Variants in PDE4B observed in about 807,000 individuals in gnomAD.
PDE4B encodes 3',5'-cyclic-AMP phosphodiesterase 4B.
PDE4B carries 20 observed loss-of-function variants against 82.2 expected under a neutral mutation model. That is an observed-to-expected ratio of 0.24 (90% confidence interval 0.17 to 0.35). The LOEUF is 0.35. Among genes scored for constraint, PDE4B ranks in the 10% least tolerant of loss-of-function variants. The probability of loss-of-function intolerance (pLI) is 1.00; values close to 1 mark genes in which losing one functional copy is unlikely to be tolerated. For synonymous variants in PDE4B, 320 were observed against 318.9 expected (o/e 1.00, Z -0.04); for missense variants, 655 against 907.2 (o/e 0.72, Z 3.57).
intron 3 of PDE4B, among the ~76,000 whole-genome samples, chr1:66,069,738 G>A (rs1656054131): frequency 6.6e-6 from 1 of 151,934 alleles, no homozygotes; most frequent in South Asian, 2.1e-4. Context: ...GGTGTCATGG[G>A]GCTAGGAAAT....
intron 3 of PDE4B, among the ~76,000 whole-genome samples, chr1:65,941,696 T>C (rs535108620): frequency 2.0e-5 from 3 of 152,088 alleles, no homozygotes; most frequent in Non-Finnish European, 4.4e-5. Flanking sequence ...ATGTATACAT[T>C]GTGAAATAGG....
At chr1:66,036,909 C>T (rs934575199) in intron 3 of PDE4B, among the ~76,000 whole-genome samples, 1 of 151,956 alleles carries the variant, frequency 6.6e-6, no homozygotes, top group African/African-American at 2.4e-5. Flanking sequence ...CCAACACAGG[C>T]AGATCATGAA....
At chr1:65,972,097 G>A (rs1448759148) in intron 3 of PDE4B, among the ~76,000 whole-genome samples, 1 of 152,144 alleles carries the variant, frequency 6.6e-6, no homozygotes, top group Non-Finnish European at 1.5e-5. Context: ...TATTATGACT[G>A]TGCATTTATT....
At chr1:66,119,444 G>A (rs370243974) in intron 3 of PDE4B, among the ~76,000 whole-genome samples, 2 of 152,144 alleles carry the variant, frequency 1.3e-5, no homozygotes, top group Non-Finnish European at 2.9e-5. Context: ...GTAATGGAGC[G>A]TATCTTCAGA....
chr1:66,028,104 C>T (rs932230294), intron 3 of PDE4B, among the ~76,000 whole-genome samples: 5 of 152,236 alleles, frequency 3.3e-5, no homozygotes, highest in African/African-American at 9.6e-5. Context: ...ATGAGGGTGC[C>T]GCCTCTGCAG....
chr1:66,293,833 TTTG>T (rs953618174), intron 7 of PDE4B, among the ~76,000 whole-genome samples: 3 of 152,130 alleles, frequency 2.0e-5, no homozygotes, highest in African/African-American at 4.8e-5. Flanking sequence ...GGTATGTGAT[TTTG>T]TTGTTGTTGT....
intron 1 of PDE4B, among the ~76,000 whole-genome samples, chr1:65,870,159 G>A (rs957966540): frequency 3.3e-5 from 5 of 152,190 alleles, no homozygotes; most frequent in African/African-American, 1.2e-4. Flanking sequence ...TTTCCCAAGA[G>A]GGTTAGTTCT....
At position 66,247,469 on chromosome 1, in the gene PDE4B, G is replaced by A. The variant is rs573774453; in HGVS notation, c.291G>A (p.Val97=). Residue 97 remains valine (V), a synonymous_variant, in exon 4 of 17, where the codon GTG becomes GTA. Coordinates refer to ENST00000341517, the MANE Select transcript of PDE4B (RefSeq NM_002600.4). Reference sequence around the variant, plus strand: ...CCACTTTCTCTTTAAGCTTTGATGTGGAAAATGGCCCTTCCCCAGGTCGGA... The same window carrying A: ...CCACTTTCTCTTTAAGCTTTGATGTAGAAAATGGCCCTTCCCCAGGTCGGA... ...ITTVSQECFD[V]ENGPSPGRSP... 1.3e-6 allele frequency: 2 copies of A among 1,571,050 alleles called. No homozygotes were observed. The highest frequency in any genetic ancestry group is 1.7e-6 in the Non-Finnish European group (2 of 1,160,552).
Position 66,266,715 on chromosome 1 carries a change from G to A in PDE4B, c.634+628G>A, listed in dbSNP as rs774742995. The stretch of plus-strand genomic sequence containing the variant: ...CTTGGTGTGTTGAGAGCTGCAGAGA[G>A]GAAGGGCCACCTTGAAGGAACACCA... On this transcript the variant is annotated intron_variant, in intron 7 of 16. Coordinates refer to ENST00000341517, the MANE Select transcript of PDE4B (RefSeq NM_002600.4). 3 of 526,286 alleles carry A rather than the reference G, an allele frequency of 5.7e-6. No individual in the cohort carries two copies. In the Admixed American group the frequency reaches 5.9e-5, roughly 10 times the overall value. 32.6% of individuals were successfully genotyped at this position (526,286 alleles called of 1,614,324 possible).
intron 15 of PDE4B, 149 bp from the exon 16 acceptor site, chr1:66,368,638 T>C (rs921870781): frequency 1.8e-5 from 9 of 489,144 alleles, no homozygotes; most frequent in Non-Finnish European, 3.0e-5. Context: ...TCATTGTAAT[T>C]CCATTTTTTT....
chr1:65,877,658 G>A (rs1375961382), intron 1 of PDE4B, among the ~76,000 whole-genome samples: 1 of 148,764 alleles, frequency 6.7e-6, no homozygotes, highest in African/African-American at 2.5e-5. Context: ...TAAATAAATA[G>A]TGCTGGGAAA....
chr1:65,875,692 A>G (rs1210040479), intron 1 of PDE4B, among the ~76,000 whole-genome samples: 1 of 150,026 alleles, frequency 6.7e-6, no homozygotes, highest in Non-Finnish European at 1.5e-5. Flanking sequence ...TCAGTAAACT[A>G]TTGCAAGAAC....
intron 3 of PDE4B, among the ~76,000 whole-genome samples, chr1:66,154,270 G>A (rs945784816): frequency 1.2e-4 from 18 of 152,116 alleles, no homozygotes; most frequent in Non-Finnish European, 5.9e-5. Context: ...TTTCATCTCT[G>A]TAATCTGAAC....
chr1:66,161,347 G>A (rs1646609626), intron 3 of PDE4B, among the ~76,000 whole-genome samples: 1 of 151,988 alleles, frequency 6.6e-6, no homozygotes, highest in South Asian at 2.1e-4. Context: ...TTCTCAGAAA[G>A]GGTGCTAAGA....
At chr1:65,982,206 T>C (rs971828779) in intron 3 of PDE4B, among the ~76,000 whole-genome samples, 2 of 152,220 alleles carry the variant, frequency 1.3e-5, no homozygotes, top group African/African-American at 2.4e-5. Context: ...CGGTGATCCT[T>C]ATTATAAAAT....
At chr1:66,261,299 G>A (rs11806416) in intron 6 of PDE4B, among the ~76,000 whole-genome samples, 32,037 of 152,038 alleles carry the variant, frequency 0.21, 6,958 homozygotes, top group African/African-American at 0.54. Flanking sequence ...AGGAACTGAA[G>A]ACAATAATGT....
rs2100318940 is a variant in PDE4B, at chr1:65,875,449, G to A, written c.-70-37796G>A. Among the ~76,000 whole-genome samples, 2 of 145,360 alleles carry A rather than the reference G, an allele frequency of 1.4e-5. 1 individual carries two copies. Among genetic ancestry groups the A allele is most frequent in the East Asian group, 4.4e-4 (2 of 4,574 alleles). On this transcript the variant is annotated intron_variant, in intron 1 of 16. Transcript: ENST00000341517. ...CATTTGACCCAGCCATCCCATTACT[G>A]GGTATATACCCAAATGACTATAAAT...
intron 3 of PDE4B, among the ~76,000 whole-genome samples, chr1:66,024,204 T>C (rs1440991127): frequency 6.6e-6 from 1 of 152,102 alleles, no homozygotes; most frequent in Non-Finnish European, 1.5e-5. Flanking sequence ...CAATAATGGG[T>C]GCAAATAATA....
At chr1:65,906,280 C>A (rs1054055746) in intron 1 of PDE4B, among the ~76,000 whole-genome samples, 31 of 152,170 alleles carry the variant, frequency 2.0e-4, no homozygotes, top group African/African-American at 7.5e-4. Flanking sequence ...GGAAAAAATT[C>A]TCTAATCCAT....
Sources: allele counts gnomAD v4.1 joint callset (sites outside exome capture counted in the v4.1 genomes callset), GRCh38; gene constraint gnomAD v4.1.1; transcripts MANE v1.5; gene names NCBI Gene and HGNC (gene_info 2026-07-23, HGNC 2026-07-21).